PTPRD: variants seen among roughly 807,000 people sequenced by gnomAD.
PTPRD encodes protein tyrosine phosphatase receptor type D.
A neutral mutation model predicts 214.5 loss-of-function variants in PTPRD; 34 were observed. That is an observed-to-expected ratio of 0.16 (90% CI 0.12 to 0.21). The LOEUF is 0.21. PTPRD is among the 10% of genes least tolerant of loss of function. The pLI, the probability that PTPRD is intolerant of heterozygous loss-of-function variation, is 1.00. For synonymous variants in PTPRD, 1,128 were observed against 845.7 expected (o/e 1.33, Z -5.79); for missense variants, 2,545 against 2,398.7 (o/e 1.06, Z -1.27).
At chr9:8,757,786 T>A (rs10121660) in intron 11 of PTPRD, among the ~76,000 whole-genome samples, 7,613 of 151,960 alleles carry the variant, frequency 0.05, 473 homozygotes, top group African/African-American at 0.15. Flanking sequence ...CAACTCATGA[T>A]ACTGCATTCC....
intron 9 of PTPRD, among the ~76,000 whole-genome samples, chr9:9,347,258 T>C (rs1420898585): frequency 6.6e-6 from 1 of 151,654 alleles, no homozygotes; most frequent in Non-Finnish European, 1.5e-5. Flanking sequence ...TTGATGCAGT[T>C]ATTTATCTAG....
In PTPRD at chr9:9,098,102, A is replaced by G. The variant is rs573253015; in HGVS notation, c.-142-79367T>C. 1.8e-4 allele frequency among the ~76,000 whole-genome samples: 28 copies of G among 152,084 alleles called. No homozygotes were observed. The South Asian group carries it at 5.6e-3, about 30-fold the overall frequency. On this transcript the variant is annotated intron_variant, in intron 10 of 45. Transcript: ENST00000381196. ...ATTTATATGGATTTTGTGTAATTAT[A>G]AAAAATTAGCAAATGTTCATTAACC...
intron 5 of PTPRD, among the ~76,000 whole-genome samples, chr9:9,781,678 T>C (rs1331420421): frequency 6.6e-6 from 1 of 152,180 alleles, no homozygotes; most frequent in Non-Finnish European, 1.5e-5. Context: ...CTTAATGAAC[T>C]TTACAACTTT....
chr9:9,630,985 A>G (rs912595038), intron 7 of PTPRD, among the ~76,000 whole-genome samples: 3 of 152,120 alleles, frequency 2.0e-5, no homozygotes, highest in Admixed American at 6.6e-5. Flanking sequence ...AATCCCTTTC[A>G]TTTTCAATGC....
chr9:9,504,859 C>A (rs56060834), intron 8 of PTPRD, among the ~76,000 whole-genome samples: 1 of 151,432 alleles, frequency 6.6e-6, no homozygotes, highest in South Asian at 2.1e-4. Flanking sequence ...ACAAACTGTT[C>A]AAAAAGTAAA....
chr9:8,829,754 C>G (rs2097251948), intron 11 of PTPRD, among the ~76,000 whole-genome samples: 1 of 152,168 alleles, frequency 6.6e-6, no homozygotes, highest in Non-Finnish European at 1.5e-5. Context: ...ATAGAATCAG[C>G]TGACTGGGGA....
chr9:10,302,794 G>C (rs2095905758), intron 3 of PTPRD, among the ~76,000 whole-genome samples: 1 of 152,170 alleles, frequency 6.6e-6, no homozygotes, highest in Non-Finnish European at 1.5e-5. Context: ...AAGAGACTTA[G>C]ACGCCCACAC....
At chr9:8,891,472 C>A (rs2098539767) in intron 11 of PTPRD, among the ~76,000 whole-genome samples, 1 of 150,216 alleles carries the variant, frequency 6.7e-6, no homozygotes, top group South Asian at 2.1e-4. Context: ...CGTTCTTTAA[C>A]ATACGTGGAA....
intron 12 of PTPRD, among the ~76,000 whole-genome samples, chr9:8,683,066 T>A (rs994180003): frequency 2.6e-5 from 4 of 152,190 alleles, no homozygotes; most frequent in Non-Finnish European, 4.4e-5. Flanking sequence ...TAGGTCCACA[T>A]GATTTTCCAC....
chr9:10,434,121 T>C (rs1445525382), intron 2 of PTPRD, among the ~76,000 whole-genome samples: 2 of 151,924 alleles, frequency 1.3e-5, no homozygotes, highest in Non-Finnish European at 2.9e-5. Flanking sequence ...CAAAAATATG[T>C]CTGCAATGAT....
At chr9:9,816,055 G>C (rs2048668407) in intron 5 of PTPRD, among the ~76,000 whole-genome samples, 1 of 152,064 alleles carries the variant, frequency 6.6e-6, no homozygotes, top group South Asian at 2.1e-4. Context: ...GTTTCAATAA[G>C]CATGGTTGTG....
intron 8 of PTPRD, among the ~76,000 whole-genome samples, chr9:9,483,526 T>C (rs2095502941): frequency 6.6e-6 from 1 of 152,116 alleles, no homozygotes; most frequent in Admixed American, 6.6e-5. Context: ...CTGCTAAGCT[T>C]ACTAGAGTCT....
At chr9:9,369,559 T>C (rs1472078075) in intron 9 of PTPRD, among the ~76,000 whole-genome samples, 7 of 152,114 alleles carry the variant, frequency 4.6e-5, no homozygotes, top group Non-Finnish European at 7.4e-5. Context: ...ATTCTGTAGG[T>C]TGCCTGTTCA....
intron 2 of PTPRD, among the ~76,000 whole-genome samples, chr9:10,539,386 C>T (rs2484744): frequency 0.83 from 125,645 of 152,110 alleles, 52,824 homozygotes; most frequent in South Asian, 0.92. Context: ...TTTTTTGCCA[C>T]GTTGGCCAGG....
At chr9:8,901,018 T>C (rs1396674232) in intron 11 of PTPRD, among the ~76,000 whole-genome samples, 2 of 152,016 alleles carry the variant, frequency 1.3e-5, no homozygotes, top group South Asian at 2.1e-4. Context: ...TTTATCAGAT[T>C]GGAAAAGGGG....
intron 8 of PTPRD, among the ~76,000 whole-genome samples, chr9:9,532,966 A>G (rs1020982437): frequency 1.3e-5 from 2 of 152,206 alleles, no homozygotes; most frequent in Non-Finnish European, 2.9e-5. Flanking sequence ...TTTAATAGCC[A>G]TCAAATAATA....
chr9:10,442,314 T>C (rs80334419), intron 2 of PTPRD, among the ~76,000 whole-genome samples: 2 of 151,662 alleles, frequency 1.3e-5, no homozygotes, highest in Admixed American at 1.3e-4. Flanking sequence ...TTGAAGGAAG[T>C]AGAAAAGATT....
chr9:10,573,633 G>C (rs1341186030), intron 2 of PTPRD, among the ~76,000 whole-genome samples: 2 of 152,160 alleles, frequency 1.3e-5, no homozygotes, highest in Non-Finnish European at 2.9e-5. Context: ...CTAGGCTGAA[G>C]GGGGAGGAAG....
At chr9:8,778,350 T>C (rs2154492206) in intron 11 of PTPRD, among the ~76,000 whole-genome samples, 1 of 152,344 alleles carries the variant, frequency 6.6e-6, no homozygotes, top group South Asian at 2.1e-4. Flanking sequence ...CTTTGATTTA[T>C]CTTAGGCCTC....
Sources: allele counts gnomAD v4.1 joint callset (sites outside exome capture counted in the v4.1 genomes callset), GRCh38; gene constraint gnomAD v4.1.1; transcripts MANE v1.5; gene names NCBI Gene and HGNC (gene_info 2026-07-23, HGNC 2026-07-21).